The following LRP1B variants were observed in gnomAD, a reference collection of about 807,000 sequenced individuals.
The protein encoded by LRP1B is low-density lipoprotein receptor-related protein 1B.
In LRP1B, 217 loss-of-function variants were observed where a neutral mutation model predicts 556.6. The ratio of observed to expected loss-of-function variants is 0.39; its 90% CI spans 0.35 to 0.44. The LOEUF is 0.44. Ranked by LOEUF, LRP1B falls within the 20% of genes least tolerant of loss-of-function variation. LRP1B has a pLI of 1.00. For missense variants in LRP1B, 5,053 were observed against 5,620.8 expected (o/e 0.90, Z 3.23); for synonymous variants, 2,047 against 1,865.8 (o/e 1.10, Z -2.50).
chr2:141,055,347 T>A, intron 9 of LRP1B, 88 bp from the exon 10 acceptor site: 1 of 1,428,234 alleles, frequency 7.0e-7, no homozygotes. Flanking sequence ...TTCTATAGTG[T>A]AAAAACAGGG....
At chr2:140,794,520 T>C (rs992874719) in intron 32 of LRP1B, among the ~76,000 whole-genome samples, 11 of 140,664 alleles carry the variant, frequency 7.8e-5, no homozygotes, top group Non-Finnish European at 1.8e-4. Context: ...CACACACACA[T>C]ATTTCAAGGG....
intron 11 of LRP1B, among the ~76,000 whole-genome samples, chr2:141,033,514 G>A (rs193279585): frequency 6.7e-6 from 1 of 148,768 alleles, no homozygotes; most frequent in African/African-American, 2.5e-5. Flanking sequence ...GTAAACATCT[G>A]CTATGGACTG....
intron 53 of LRP1B, among the ~76,000 whole-genome samples, chr2:140,504,938 T>G (rs1689344560): frequency 6.6e-6 from 1 of 152,234 alleles, no homozygotes; most frequent in Non-Finnish European, 1.5e-5. Flanking sequence ...AAAATGTGAC[T>G]GTAACATTTC....
chr2:141,696,111 T>C (rs949042748), intron 2 of LRP1B, among the ~76,000 whole-genome samples: 1 of 151,976 alleles, frequency 6.6e-6, no homozygotes, highest in African/African-American at 2.4e-5. Flanking sequence ...TGCAAGAGTG[T>C]TCTAGATACA....
intron 66 of LRP1B, among the ~76,000 whole-genome samples, chr2:140,433,055 G>A (rs187304937): frequency 7.9e-5 from 12 of 152,272 alleles, no homozygotes; most frequent in Non-Finnish European, 2.9e-5. Context: ...GAGGAAATTA[G>A]ATTAAAACTT....
chr2:140,997,046 G>A (rs887384736), intron 15 of LRP1B, among the ~76,000 whole-genome samples: 2 of 151,936 alleles, frequency 1.3e-5, no homozygotes, highest in Admixed American at 1.3e-4. Flanking sequence ...TACAAAACCT[G>A]TAATTCTACT....
intron 33 of LRP1B, among the ~76,000 whole-genome samples, chr2:140,771,779 C>A (rs1369649531): frequency 6.6e-6 from 1 of 152,122 alleles, no homozygotes; most frequent in Admixed American, 6.6e-5. Flanking sequence ...ATTTTTACAT[C>A]TTTTTTTATT....
intron 43 of LRP1B, among the ~76,000 whole-genome samples, chr2:140,562,608 C>A (rs1318078288): frequency 6.6e-6 from 1 of 151,656 alleles, no homozygotes; most frequent in Admixed American, 6.6e-5. Flanking sequence ...AATTTCTTTT[C>A]TTTTCTGTTA....
At chr2:141,416,724 A>T (rs1691122859) in intron 3 of LRP1B, among the ~76,000 whole-genome samples, 1 of 151,992 alleles carries the variant, frequency 6.6e-6, no homozygotes, top group South Asian at 2.1e-4. Context: ...CAAAGTAGAC[A>T]GCTATTATTT....
intron 53 of LRP1B, 22 bp from the exon 54 acceptor site, chr2:140,503,125 T>C: frequency 6.2e-7 from 1 of 1,610,430 alleles, no homozygotes; most frequent in African/African-American, 1.3e-5. Context: ...GAAAAAACAT[T>C]TGACTAATTC....
chr2:141,328,636 T>C (rs1257512095), intron 3 of LRP1B, among the ~76,000 whole-genome samples: 2 of 152,228 alleles, frequency 1.3e-5, no homozygotes, highest in African/African-American at 4.8e-5. Flanking sequence ...GCAAAGCTAA[T>C]AATTACGTGG....
At chr2:142,065,850 T>C (rs1705090094) in intron 1 of LRP1B, among the ~76,000 whole-genome samples, 1 of 151,442 alleles carries the variant, frequency 6.6e-6, no homozygotes, top group South Asian at 2.1e-4. Context: ...CCCAGATCCC[T>C]TTGAAATCAT....
At chr2:141,509,689 G>A (rs1684052684) in intron 2 of LRP1B, among the ~76,000 whole-genome samples, 3 of 152,058 alleles carry the variant, frequency 2.0e-5, no homozygotes, top group Admixed American at 2.0e-4. Context: ...AATACACTGA[G>A]AAATATAAGT....
chr2:141,096,902 G>A (rs1700337618), intron 7 of LRP1B, among the ~76,000 whole-genome samples: 1 of 152,082 alleles, frequency 6.6e-6, no homozygotes, highest in Non-Finnish European at 1.5e-5. Context: ...CATGAAGTAA[G>A]GTCAGAAAGA....
chr2:140,903,183 C>G lies in LRP1B; in HGVS notation c.3521-18G>C, dbSNP rs1694153649. 4 of 1,610,790 alleles carry G rather than the reference C, an allele frequency of 2.5e-6. No individual in the cohort carries two copies. Among genetic ancestry groups the G allele is most frequent in the Non-Finnish European group, 2.5e-6 (3 of 1,178,838 alleles). ...ACACTCATCTATAAAAAGGGGGGAA[C>G]AGATTATAGGTCTTATCAATTGCTT... On this transcript the variant is annotated intron_variant, in intron 22 of 90. Transcript: ENST00000389484.
intron 1 of LRP1B, among the ~76,000 whole-genome samples, chr2:141,954,257 G>A (rs912939588): frequency 6.6e-5 from 10 of 152,062 alleles, no homozygotes; most frequent in Admixed American, 5.9e-4. Flanking sequence ...TGATTCTTGA[G>A]TACATTACTT....
At chr2:140,498,510 A>G (rs1574007018) in intron 55 of LRP1B, among the ~76,000 whole-genome samples, 2 of 151,956 alleles carry the variant, frequency 1.3e-5, no homozygotes, top group African/African-American at 4.8e-5. Context: ...TTTACTGCAA[A>G]CATGCAAATT....
intron 2 of LRP1B, among the ~76,000 whole-genome samples, chr2:141,711,329 G>T (rs1366181754): frequency 4.6e-5 from 7 of 152,186 alleles, no homozygotes; most frequent in African/African-American, 1.7e-4. Context: ...AAGTCAAGTA[G>T]TTCAACTAGA....
intron 7 of LRP1B, among the ~76,000 whole-genome samples, chr2:141,092,003 CATTT>C (rs1246567863): frequency 6.6e-6 from 1 of 152,142 alleles, no homozygotes; most frequent in Non-Finnish European, 1.5e-5. Flanking sequence ...GTATAGCTCA[CATTT>C]ATTTCAATGT....
Sources: gnomAD v4.1 joint callset for allele counts (sites outside exome capture counted in the v4.1 genomes callset) on GRCh38, gnomAD v4.1.1 for gene constraint, MANE v1.5 for transcripts, NCBI Gene and HGNC (gene_info 2026-07-23, HGNC 2026-07-21) for gene names.